STX6: variants seen among roughly 807,000 people sequenced by gnomAD.
STX6 encodes syntaxin 6, also known as syntaxin-6.
In STX6, 23 loss-of-function variants were observed where a neutral mutation model predicts 38.0. That is an observed-to-expected ratio of 0.60 (90% confidence interval 0.43 to 0.86). STX6 has a LOEUF of 0.86. Ranked by LOEUF, STX6 falls within the 40% of genes least tolerant of loss-of-function variation. The probability of loss-of-function intolerance (pLI) is 0.00; values close to 1 mark genes in which losing one functional copy is unlikely to be tolerated. For synonymous variants in STX6, 123 were observed against 107.5 expected (o/e 1.14, Z -0.89); for missense variants, 274 against 312.9 (o/e 0.88, Z 0.94).
At chr1:180,990,504 G>A (rs754686340) in intron 4 of STX6, among the ~76,000 whole-genome samples, 9 of 151,976 alleles carry the variant, frequency 5.9e-5, no homozygotes, top group Non-Finnish European at 1.3e-4. Context: ...AAGATCTAGA[G>A]TACTTTTTTA....
Position 180,984,638 on chromosome 1 carries a change from A to T in STX6, c.691+39T>A, listed in dbSNP as rs781488963. On this transcript the variant is annotated intron_variant, in intron 7 of 7. Transcript: ENST00000258301. Reference sequence around the variant, plus strand: ...AACACCCCCAAGACAGAGTTCTAGAATTAAGTACAAATGCTTAAGCTTTAA... The same window carrying T: ...AACACCCCCAAGACAGAGTTCTAGATTTAAGTACAAATGCTTAAGCTTTAA... The T allele has an allele frequency of 2.0e-5, 18 of 918,942 alleles. No homozygotes were observed. The Admixed American group carries it at 3.4e-4, about 18-fold the overall frequency. The allele number at this position is 918,942 out of a possible 1,614,324, so 56.9% of individuals were successfully genotyped here. A position where few individuals can be genotyped will look rare whatever the true frequency, so the allele number is the denominator to read the frequency against.
chr1:180,977,403 T>G (rs1571321683), intron 7 of STX6, among the ~76,000 whole-genome samples: 1 of 152,328 alleles, frequency 6.6e-6, no homozygotes, highest in Middle Eastern at 3.4e-3. Flanking sequence ...CTCACAATCC[T>G]GTGGTCCCAA....
intron 3 of STX6, among the ~76,000 whole-genome samples, chr1:180,994,215 GGTC>G (rs1655835537): frequency 6.6e-6 from 1 of 152,132 alleles, no homozygotes; most frequent in Non-Finnish European, 1.5e-5. Context: ...GTTTTTAAAA[GGTC>G]GTCAAAATAT....
chr1:180,985,129 T>C lies in STX6; in HGVS notation c.597-358A>G, dbSNP rs567550726. Among the ~76,000 whole-genome samples the C allele has an allele frequency of 7.8e-5, 10 of 127,712 alleles. No individual in the cohort carries two copies. The South Asian group carries it at 2.2e-3, about 28-fold the overall frequency. 83.8% of individuals were successfully genotyped at this position (127,712 alleles called of 152,430 possible). A position where few individuals can be genotyped will look rare whatever the true frequency, so the allele number is the denominator to read the frequency against. On this transcript the variant is annotated intron_variant, in intron 6 of 7. Coordinates refer to ENST00000258301, the MANE Select transcript of STX6 (RefSeq NM_005819.6). ...GTAAGGTTTTTCTGTAACATGAGCT[T>C]GCGGCAAATTTAAAGAAAAAAAAAA...
At chr1:181,002,736 T>C in intron 2 of STX6, 36 bp from the exon 3 acceptor site, 1 of 1,405,360 alleles carries the variant, frequency 7.1e-7, no homozygotes, top group Non-Finnish European at 1.0e-6. Flanking sequence ...AATTTCATCA[T>C]CAAAGCCTGA....
At chr1:181,000,885 A>AG (rs1214337277) in intron 3 of STX6, among the ~76,000 whole-genome samples, 1 of 151,736 alleles carries the variant, frequency 6.6e-6, no homozygotes, top group Non-Finnish European at 1.5e-5. Context: ...CAAAAAAAAA[A>AG]AAAAAAAAGC....
intron 7 of STX6, among the ~76,000 whole-genome samples, chr1:180,978,709 C>T (rs1485495715): frequency 6.6e-6 from 1 of 152,216 alleles, no homozygotes. Context: ...TCTTCTCTAG[C>T]CATCCAGTTC....
Position 181,022,813 on chromosome 1 carries a change from G to A in STX6, c.-140C>T, listed in dbSNP as rs911317057. 2 of 792,116 alleles carry A rather than the reference G, an allele frequency of 2.5e-6. No individual in the cohort carries two copies. The highest frequency in any genetic ancestry group is 4.6e-5 in the Admixed American group (2 of 43,354). The allele number at this position is 792,116 out of a possible 1,614,324, so 49.1% of individuals were successfully genotyped here. A position where few individuals can be genotyped will look rare whatever the true frequency, so the allele number is the denominator to read the frequency against. ...AAGCCGAGCAGCGGGCACGCGCACA[G>A]GCCAGGTGCACAGGACGGCCGCTGG... On this transcript the variant is annotated 5_prime_UTR_variant, in exon 1 of 8. Coordinates refer to ENST00000258301, the MANE Select transcript of STX6 (RefSeq NM_005819.6).
At chr1:180,993,988 T>C (rs756774329) in intron 3 of STX6, among the ~76,000 whole-genome samples, 1 of 152,230 alleles carries the variant, frequency 6.6e-6, no homozygotes, top group Non-Finnish European at 1.5e-5. Context: ...ACTTATTTTA[T>C]TTCTGAGTTG....
At chr1:181,022,074 C>A (rs1256957368) in intron 1 of STX6, among the ~76,000 whole-genome samples, 7 of 152,180 alleles carry the variant, frequency 4.6e-5, no homozygotes, top group Non-Finnish European at 1.0e-4. Flanking sequence ...CGGTGCCCTG[C>A]TCCCCAGCCT....
At chr1:180,997,229 C>T (rs926533692) in intron 3 of STX6, among the ~76,000 whole-genome samples, 5 of 152,128 alleles carry the variant, frequency 3.3e-5, no homozygotes, top group African/African-American at 4.8e-5. Context: ...ATATAGTAAG[C>T]ACTCAATAAA....
Position 180,975,105 on chromosome 1 carries a change from A to C in STX6, c.*1465T>G, listed in dbSNP as rs1655212072. 6.6e-6 allele frequency: 1 copy of C among 152,566 alleles called. No individual in the cohort carries two copies. The highest frequency in any genetic ancestry group is 1.9e-4 in the East Asian group (1 of 5,202). The allele number at this position is 152,566 out of a possible 1,614,324, so 9.5% of individuals were successfully genotyped here. A position where few individuals can be genotyped will look rare whatever the true frequency, so the allele number is the denominator to read the frequency against. ...GAAATACAAACAAAACAAAACAAAA[A>C]GGTTTAAAAAAAAAGTGTGCTGAGG... On this transcript the variant is annotated 3_prime_UTR_variant, in exon 8 of 8. Coordinates refer to ENST00000258301, the MANE Select transcript of STX6 (RefSeq NM_005819.6).
intron 3 of STX6, among the ~76,000 whole-genome samples, chr1:181,000,469 C>G (rs1656048614): frequency 6.6e-6 from 1 of 152,112 alleles, no homozygotes; most frequent in South Asian, 2.1e-4. Context: ...ATAAAACCAT[C>G]AGCTATCATG....
intron 3 of STX6, among the ~76,000 whole-genome samples, chr1:180,999,932 TACAA>T (rs758933096): frequency 5.9e-5 from 9 of 152,240 alleles, no homozygotes; most frequent in Non-Finnish European, 1.0e-4. Flanking sequence ...AATCTCTACA[TACAA>T]ACACTGTTTA....
At chr1:181,011,236 G>C (rs1391304728) in intron 1 of STX6, among the ~76,000 whole-genome samples, 2 of 152,190 alleles carry the variant, frequency 1.3e-5, no homozygotes, top group African/African-American at 4.8e-5. Context: ...TGTTTTAAGG[G>C]ATCACAAAGG....
chr1:180,984,522 C>T (rs376917238), intron 7 of STX6, among the ~76,000 whole-genome samples, 155 bp downstream of exon 7: 2 of 152,054 alleles, frequency 1.3e-5, no homozygotes, highest in East Asian at 1.9e-4. Context: ...GCACTCCAGC[C>T]TGGGTGAAAG....
intron 7 of STX6, 117 bp from the exon 8 acceptor site, chr1:180,976,763 G>T (rs1026437244): frequency 7.6e-6 from 7 of 926,270 alleles, no homozygotes; most frequent in Non-Finnish European, 1.2e-5. Flanking sequence ...TGCAAATGAC[G>T]GGGCCATGAT....
intron 4 of STX6, among the ~76,000 whole-genome samples, chr1:180,992,642 T>C (rs1655785994): frequency 6.6e-6 from 1 of 152,250 alleles, no homozygotes; most frequent in Admixed American, 6.5e-5. Flanking sequence ...AAAAACATTC[T>C]ATCCCACCAA....
At chr1:181,005,186 CATT>C in intron 2 of STX6, 105 bp downstream of exon 2, 3 of 1,515,438 alleles carry the variant, frequency 2.0e-6, no homozygotes, top group Non-Finnish European at 2.6e-6. Flanking sequence ...GAGCAACAAA[CATT>C]AATCGATTAT....
Sources: allele counts gnomAD v4.1 joint callset (sites outside exome capture counted in the v4.1 genomes callset), GRCh38; gene constraint gnomAD v4.1.1; transcripts MANE v1.5; gene names NCBI Gene and HGNC (gene_info 2026-07-23, HGNC 2026-07-21).